Variants in ADAMTS20 observed in about 807,000 individuals in gnomAD.
ADAMTS20 encodes ADAM metallopeptidase with thrombospondin type 1 motif 20, also known as A disintegrin and metalloproteinase with thrombospondin motifs 20.
ADAMTS20 carries 225 observed loss-of-function variants against 260.1 expected under a neutral mutation model. The ratio of observed to expected loss-of-function variants is 0.87; its 90% CI spans 0.78 to 0.97. ADAMTS20 has a LOEUF of 0.97. Among genes scored for constraint, ADAMTS20 ranks in the 50% least tolerant of loss-of-function variants. ADAMTS20 has a pLI of 0.00. For synonymous variants in ADAMTS20, 802 were observed against 769.5 expected (o/e 1.04, Z -0.70); for missense variants, 2,400 against 2,337.7 (o/e 1.03, Z -0.55).
At chr12:43,401,901 G>A (rs529345159) in intron 28 of ADAMTS20, among the ~76,000 whole-genome samples, 1 of 151,658 alleles carries the variant, frequency 6.6e-6, no homozygotes, top group African/African-American at 2.4e-5. Context: ...CTCTCTTTAA[G>A]TATAATTGCT....
At chr12:43,428,163 G>T in intron 26 of ADAMTS20, 78 bp downstream of exon 26, 3 of 1,370,734 alleles carry the variant, frequency 2.2e-6, no homozygotes, top group East Asian at 2.3e-5. Flanking sequence ...AGTACTGATG[G>T]CATCATATAC....
At chr12:43,439,065 C>A (rs1349704405) in intron 18 of ADAMTS20, among the ~76,000 whole-genome samples, 1 of 152,202 alleles carries the variant, frequency 6.6e-6, no homozygotes, top group Non-Finnish European at 1.5e-5. Context: ...TAATTACAGA[C>A]TGCAGACTCT....
intron 29 of ADAMTS20, among the ~76,000 whole-genome samples, chr12:43,386,383 G>C (rs931075160): frequency 1.3e-5 from 2 of 152,092 alleles, no homozygotes; most frequent in Non-Finnish European, 2.9e-5. Context: ...TCCCTTTGTG[G>C]GTAACCAGAC....
chr12:43,433,347 TC>T (rs145314827), intron 19 of ADAMTS20, among the ~76,000 whole-genome samples: 2,006 of 152,276 alleles, frequency 0.013, 49 homozygotes, highest in African/African-American at 0.046. Flanking sequence ...AGCCAAATTA[TC>T]CCAATTGTAG....
rs1482429945 is a variant in ADAMTS20, at chr12:43,468,715, T to G, written c.1118-10A>C. ...CCTAAATATGATAAACCTGAAAAAT[T>G]TCACATTTGTATTTCATCAAAATGG... On this transcript the variant is annotated splice_polypyrimidine_tract_variant and intron_variant, in intron 7 of 38. Coordinates refer to ENST00000389420, the MANE Select transcript of ADAMTS20 (RefSeq NM_025003.5). The G allele has an allele frequency of 3.2e-5, 47 of 1,469,520 alleles. No homozygotes were observed. Among genetic ancestry groups the G allele is most frequent in the Non-Finnish European group, 4.3e-5 (46 of 1,068,030 alleles). The allele number at this position is 1,469,520 out of a possible 1,614,324, so 91.0% of individuals were successfully genotyped here. A position where few individuals can be genotyped will look rare whatever the true frequency, so the allele number is the denominator to read the frequency against.
intron 8 of ADAMTS20, among the ~76,000 whole-genome samples, chr12:43,468,395 T>G (rs1942192928): frequency 6.6e-6 from 1 of 152,200 alleles, no homozygotes; most frequent in Admixed American, 6.5e-5. Flanking sequence ...TTCTAGTTCT[T>G]TGCTTAGTCT....
intron 14 of ADAMTS20, among the ~76,000 whole-genome samples, chr12:43,449,609 C>T (rs935153946): frequency 1.3e-5 from 2 of 152,150 alleles, no homozygotes; most frequent in Middle Eastern, 3.4e-3. Flanking sequence ...GTATAAAAAA[C>T]TTGCATATAT....
At chr12:43,519,240 A>G (rs1943039678) in intron 3 of ADAMTS20, among the ~76,000 whole-genome samples, 1 of 152,086 alleles carries the variant, frequency 6.6e-6, no homozygotes, top group African/African-American at 2.4e-5. Context: ...AAAATTATGT[A>G]TTCATAATTT....
intron 19 of ADAMTS20, among the ~76,000 whole-genome samples, chr12:43,433,314 C>T (rs1210230385): frequency 6.6e-6 from 1 of 152,148 alleles, no homozygotes; most frequent in African/African-American, 2.4e-5. Flanking sequence ...AACATGTCTT[C>T]CACAAGTAAA....
intron 31 of ADAMTS20, among the ~76,000 whole-genome samples, chr12:43,379,103 G>A (rs982518326): frequency 6.6e-6 from 1 of 152,172 alleles, no homozygotes; most frequent in Non-Finnish European, 1.5e-5. Flanking sequence ...ATCATTCAAA[G>A]CCTCATTCCC....
At chr12:43,443,764 T>C (rs776605517) in intron 16 of ADAMTS20, 27 bp downstream of exon 16, 32 of 1,572,918 alleles carry the variant, frequency 2.0e-5, no homozygotes, top group Non-Finnish European at 2.6e-5. Context: ...AGCCACATAC[T>C]GGCTGTTGTT....
chr12:43,374,481 G>A (rs572051147), intron 36 of ADAMTS20, among the ~76,000 whole-genome samples: 12 of 152,186 alleles, frequency 7.9e-5, no homozygotes, highest in African/African-American at 2.9e-4. Flanking sequence ...CTATAAATAC[G>A]TTTTGACTTG....
chr12:43,363,817 C>T (rs1304717285), intron 37 of ADAMTS20, among the ~76,000 whole-genome samples: 2 of 152,174 alleles, frequency 1.3e-5, no homozygotes, highest in Admixed American at 1.3e-4. Flanking sequence ...AAGAAAGGCT[C>T]TTCTTGGGGA....
chr12:43,442,949 T>C (rs1262118978), intron 16 of ADAMTS20, among the ~76,000 whole-genome samples: 1 of 152,212 alleles, frequency 6.6e-6, no homozygotes, highest in Non-Finnish European at 1.5e-5. Context: ...CATTAAGCAG[T>C]TGTTCCCCTT....
At chr12:43,529,402 T>C (rs188169523) in intron 3 of ADAMTS20, among the ~76,000 whole-genome samples, 5 of 152,216 alleles carry the variant, frequency 3.3e-5, no homozygotes, top group Non-Finnish European at 7.4e-5. Flanking sequence ...GAAACCAACC[T>C]ACGTGCCTGC....
intron 2 of ADAMTS20, among the ~76,000 whole-genome samples, chr12:43,536,859 C>T (rs1555142199): frequency 6.6e-6 from 1 of 152,200 alleles, no homozygotes; most frequent in Non-Finnish European, 1.5e-5. Flanking sequence ...ACATTTAAAA[C>T]TTTGCACTTT....
At chr12:43,368,421 G>C (rs1485461936) in intron 37 of ADAMTS20, among the ~76,000 whole-genome samples, 2 of 152,012 alleles carry the variant, frequency 1.3e-5, no homozygotes, top group African/African-American at 4.8e-5. Flanking sequence ...ATTTTAGCCT[G>C]TAGTTCTAGT....
At chr12:43,388,426 G>C (rs1304754853) in intron 29 of ADAMTS20, among the ~76,000 whole-genome samples, 1 of 152,180 alleles carries the variant, frequency 6.6e-6, no homozygotes, top group East Asian at 1.9e-4. Context: ...CCTGCCTTCT[G>C]CATTGGTCTC....
intron 15 of ADAMTS20, among the ~76,000 whole-genome samples, 183 bp downstream of exon 15, chr12:43,446,412 A>G (rs918802124): frequency 6.6e-6 from 1 of 152,204 alleles, no homozygotes; most frequent in African/African-American, 2.4e-5. Context: ...TTAATCAAGG[A>G]TACATCTGGT....
Sources: allele counts gnomAD v4.1 joint callset (sites outside exome capture counted in the v4.1 genomes callset), GRCh38; gene constraint gnomAD v4.1.1; transcripts MANE v1.5; gene names NCBI Gene and HGNC (gene_info 2026-07-23, HGNC 2026-07-21).